F13A1: variants seen among roughly 807,000 people sequenced by gnomAD.
F13A1 encodes the protein coagulation factor XIII A chain.
A neutral mutation model predicts 80.1 loss-of-function variants in F13A1; 47 were observed. That is an observed-to-expected ratio of 0.59 (90% CI 0.46 to 0.75). The LOEUF is 0.75. Among genes scored for constraint, F13A1 ranks in the 30% least tolerant of loss-of-function variants. The pLI, the probability that F13A1 is intolerant of heterozygous loss-of-function variation, is 0.00. For missense variants in F13A1, 817 were observed against 930.4 expected (o/e 0.88, Z 1.59); for synonymous variants, 349 against 344.9 (o/e 1.01, Z -0.13).
chr6:6,177,585 G>A (rs1045223893), intron 11 of F13A1, among the ~76,000 whole-genome samples: 1 of 152,210 alleles, frequency 6.6e-6, no homozygotes, highest in Non-Finnish European at 1.5e-5. Flanking sequence ...GTCCAGTTTA[G>A]GACATTTTAT....
intron 2 of F13A1, among the ~76,000 whole-genome samples, chr6:6,308,762 A>G (rs916182827): frequency 1.3e-5 from 2 of 151,818 alleles, no homozygotes; most frequent in Non-Finnish European, 2.9e-5. Context: ...ACAGGCTCAC[A>G]CCACCATGCC....
At chr6:6,229,746 G>A (rs904436868) in intron 6 of F13A1, among the ~76,000 whole-genome samples, 10 of 152,272 alleles carry the variant, frequency 6.6e-5, no homozygotes, top group Admixed American at 2.6e-4. Context: ...TGCAGGACCC[G>A]AGAGACCCCC....
At chr6:6,152,609 G>T (rs1760399027) in intron 13 of F13A1, among the ~76,000 whole-genome samples, 1 of 152,152 alleles carries the variant, frequency 6.6e-6, no homozygotes, top group African/African-American at 2.4e-5. Context: ...CTCAGTGCCA[G>T]GTTCAACACT....
chr6:6,152,466 T>G (rs13203052), intron 13 of F13A1, among the ~76,000 whole-genome samples: 32,636 of 152,026 alleles, frequency 0.21, 3,605 homozygotes, highest in Middle Eastern at 0.28. Context: ...CTAAAATAAG[T>G]AAAGGAGATT....
Position 6,250,835 on chromosome 6 carries a change from C to T in F13A1, c.666G>A (p.Lys222=), listed in dbSNP as rs748586062. 1 of 1,612,926 alleles carries T rather than the reference C, an allele frequency of 6.2e-7. No homozygotes were observed. Among genetic ancestry groups the T allele is most frequent in the Non-Finnish European group, 8.5e-7 (1 of 1,179,082 alleles). ...VIFYGEVNDI[K]TRSWSYGQFE... is the part of the protein sequence containing the mutation. The stretch of plus-strand genomic sequence containing the variant: ...CCTGACCATAGCTCCAGCTTCTGGT[C>T]TTGATGTCATTGACCTCTCCATAAA... The change falls in exon 5 of 15, where the codon AAG becomes AAA. Residue 222 remains lysine (K), a synonymous_variant. Transcript: ENST00000264870. The surrounding 1 kb of genome is among the most constrained non-coding windows in gnomAD (Gnocchi z 4.2).
At chr6:6,237,085 C>A (rs1425613013) in intron 6 of F13A1, among the ~76,000 whole-genome samples, 1 of 152,062 alleles carries the variant, frequency 6.6e-6, no homozygotes, top group East Asian at 1.9e-4. Flanking sequence ...CAGTCACCAC[C>A]TTTCTTTAAT....
At chr6:6,262,613 C>A (rs1259524531) in intron 4 of F13A1, among the ~76,000 whole-genome samples, 1 of 152,038 alleles carries the variant, frequency 6.6e-6, no homozygotes, top group Non-Finnish European at 1.5e-5. Context: ...CACCTTCTAC[C>A]CTCCAGATGA....
At chr6:6,289,543 CA>C in intron 3 of F13A1, among the ~76,000 whole-genome samples, 1 of 152,232 alleles carries the variant, frequency 6.6e-6, no homozygotes. Context: ...CAAACTCATG[CA>C]GCATCCATTT....
At chr6:6,256,220 G>A (rs540976061) in intron 4 of F13A1, among the ~76,000 whole-genome samples, 1 of 152,180 alleles carries the variant, frequency 6.6e-6, no homozygotes, top group Non-Finnish European at 1.5e-5. Context: ...ACTGGTAGAA[G>A]GTAGACGTGT....
At chr6:6,188,434 G>C (rs1449300290) in intron 10 of F13A1, among the ~76,000 whole-genome samples, 62 of 126,324 alleles carry the variant, frequency 4.9e-4, no homozygotes, top group South Asian at 1.2e-3. Flanking sequence ...CTTTGTTCTC[G>C]TTGGTTTCAA....
At chr6:6,272,949 G>T (rs985740576) in intron 3 of F13A1, among the ~76,000 whole-genome samples, 3 of 152,172 alleles carry the variant, frequency 2.0e-5, no homozygotes, top group African/African-American at 7.2e-5. Flanking sequence ...ACATAGACAA[G>T]ACTCCTATGT....
In F13A1 at chr6:6,269,690, CCTA is replaced by C. The variant is rs1757894605; in HGVS notation, c.320-2884_320-2882del. Among the ~76,000 whole-genome samples the C allele has an allele frequency of 2.0e-5, 3 of 151,664 alleles. No homozygotes were observed. In the South Asian group the frequency reaches 6.2e-4, roughly 32 times the overall value. On this transcript the variant is annotated intron_variant, in intron 3 of 14. Coordinates refer to ENST00000264870, the MANE Select transcript of F13A1 (RefSeq NM_000129.4). ...TAGTCTGCGGGCCAAATGTAGCTTA[CCTA>C]CTGTTTTTTTTTTTGTTTGTTTTAT...
At position 6,145,099 on chromosome 6, in the gene F13A1, G is replaced by A. The variant is rs1760253671; in HGVS notation, c.*520C>T. ...GTGCAAAATGAAAGATCTTTTTCTG[G>A]CTTTGCCAAAAATAAAAATTATGTT... is the stretch of plus-strand genomic sequence containing the variant. On this transcript the variant is annotated 3_prime_UTR_variant, in exon 15 of 15. Coordinates refer to ENST00000264870, the MANE Select transcript of F13A1 (RefSeq NM_000129.4). The A allele has an allele frequency of 6.5e-6, 1 of 155,014 alleles. No homozygotes were observed. Among genetic ancestry groups the A allele is most frequent in the Admixed American group, 6.3e-5 (1 of 15,784 alleles). The allele number at this position is 155,014 out of a possible 1,614,324, so 9.6% of individuals were successfully genotyped here. A position where few individuals can be genotyped will look rare whatever the true frequency, so the allele number is the denominator to read the frequency against.
In F13A1 at chr6:6,318,676, C is replaced by T; in HGVS notation, c.-12G>A. On this transcript the variant is annotated 5_prime_UTR_variant, in exon 2 of 15. Coordinates refer to ENST00000264870, the MANE Select transcript of F13A1 (RefSeq NM_000129.4). ...GAAGTTTCTGACATTTTTGACTTTA[C>T]AAGGTCCTTCAGAAAAAAAAAAAAA... 6.6e-7 allele frequency: 1 copy of T among 1,523,628 alleles called. No homozygotes were observed. Among genetic ancestry groups the T allele is most frequent in the Non-Finnish European group, 8.8e-7 (1 of 1,141,576 alleles). 94.4% of individuals were successfully genotyped at this position (1,523,628 alleles called of 1,614,324 possible).
rs1757202191 is a variant in F13A1 at position 6,222,030 on chromosome 6, C to T, written c.1112+3G>A. 6.2e-7 allele frequency: 1 copy of T among 1,613,696 alleles called. No homozygotes were observed. The highest frequency in any genetic ancestry group is 1.1e-5 in the South Asian group (1 of 91,054). On this transcript the variant is annotated splice_donor_region_variant and intron_variant, in intron 8 of 14. Transcript: ENST00000264870. The stretch of plus-strand genomic sequence containing the variant: ...AGCCAATGCCATTGTCAATCAAACT[C>T]ACCACACTGAATCCTTGGTGAGTTT...
intron 10 of F13A1, among the ~76,000 whole-genome samples, chr6:6,185,085 T>C (rs1761054458): frequency 6.6e-6 from 1 of 152,016 alleles, no homozygotes; most frequent in African/African-American, 2.4e-5. Flanking sequence ...CAAGGATTAT[T>C]GGACTTAGGC....
intron 2 of F13A1, among the ~76,000 whole-genome samples, chr6:6,307,525 C>T (rs1396575005): frequency 6.6e-6 from 1 of 152,170 alleles, no homozygotes. Flanking sequence ...TCCTCTGGTC[C>T]TCTTTCTTAG....
chr6:6,259,671 C>A (rs767795525), intron 4 of F13A1, among the ~76,000 whole-genome samples: 1 of 152,154 alleles, frequency 6.6e-6, no homozygotes, highest in East Asian at 1.9e-4. Flanking sequence ...TGACAGGGTG[C>A]GGCGAACCTA....
intron 14 of F13A1, among the ~76,000 whole-genome samples, chr6:6,146,781 GCTC>G (rs1458684134): frequency 6.6e-6 from 1 of 152,112 alleles, no homozygotes; most frequent in East Asian, 1.9e-4. Context: ...TACTCTTTCT[GCTC>G]CTCTTCACTG....
Sources: gnomAD v4.1 joint callset for allele counts (sites outside exome capture counted in the v4.1 genomes callset) on GRCh38, gnomAD v4.1.1 for gene constraint, Gnocchi (gnomAD v3.1) non-coding constraint, MANE v1.5 for transcripts, NCBI Gene and HGNC (gene_info 2026-07-23, HGNC 2026-07-21) for gene names.